Variants in ITGBL1 observed in about 807,000 individuals in gnomAD.
The protein encoded by ITGBL1 is integrin subunit beta like 1.
ITGBL1 carries 51 observed loss-of-function variants against 68.5 expected under a neutral mutation model. The observed-to-expected ratio is 0.74, with a 90% CI of 0.59 to 0.94. The LOEUF is 0.94. Ranked by LOEUF, ITGBL1 falls within the 40% of genes least tolerant of loss-of-function variation. The probability of loss-of-function intolerance (pLI) is 0.00; values close to 1 mark genes in which losing one functional copy is unlikely to be tolerated. For synonymous variants in ITGBL1, 209 were observed against 227.3 expected, an observed-to-expected ratio of 0.92 and a Z score of 0.72; for missense variants, 649 against 647.4, an observed-to-expected ratio of 1.00 and a Z score of -0.03.
intron 5 of ITGBL1, among the ~76,000 whole-genome samples, chr13:101,581,589 C>T (rs2050458747): frequency 6.6e-6 from 1 of 152,030 alleles, no homozygotes; most frequent in South Asian, 2.1e-4. Context: ...TGTTGTTTAT[C>T]TTTCCATATT....
intron 2 of ITGBL1, among the ~76,000 whole-genome samples, chr13:101,549,540 A>G (rs1164890207): frequency 1.3e-5 from 2 of 152,064 alleles, no homozygotes; most frequent in Non-Finnish European, 2.9e-5. Flanking sequence ...GCTGAAAACA[A>G]CATACAGAAT....
rs751469422 is a variant in ITGBL1, at chr13:101,498,489, G to A, written c.316+44389G>A. Among the ~76,000 whole-genome samples the A allele has an allele frequency of 4.8e-4, 73 of 152,238 alleles. No individual in the cohort carries two copies. The Middle Eastern group carries it at 0.014, about 28-fold the overall frequency. On this transcript the variant is annotated intron_variant, in intron 2 of 10. Transcript: ENST00000376180. ...TTGTTTATCCAAGACAGATGGTAAG[G>A]GGTGATACTTTTGTCAGCTTACATC...
intron 7 of ITGBL1, 113 bp from the exon 8 acceptor site, chr13:101,692,472 A>G: frequency 1.4e-6 from 1 of 722,092 alleles, no homozygotes; most frequent in Admixed American, 1.9e-5. Context: ...ATTATCAGGC[A>G]CAGACTGGAA....
At chr13:101,531,474 C>G (rs1049573112) in intron 2 of ITGBL1, among the ~76,000 whole-genome samples, 4 of 151,826 alleles carry the variant, frequency 2.6e-5, no homozygotes, top group Non-Finnish European at 4.4e-5. Flanking sequence ...GATTAAAAAG[C>G]CATTAACAAT....
At chr13:101,479,078 C>T (rs1345024533) in intron 2 of ITGBL1, among the ~76,000 whole-genome samples, 1 of 151,926 alleles carries the variant, frequency 6.6e-6, no homozygotes, top group Non-Finnish European at 1.5e-5. Context: ...GCTATAGTAA[C>T]CCAAATAGTA....
intron 2 of ITGBL1, among the ~76,000 whole-genome samples, chr13:101,492,248 T>C (rs1295690616): frequency 6.6e-6 from 1 of 152,192 alleles, no homozygotes; most frequent in Non-Finnish European, 1.5e-5. Context: ...ATCGCTTTCT[T>C]ACAGAGGTGT....
At chr13:101,470,965 G>A (rs1467707096) in intron 2 of ITGBL1, among the ~76,000 whole-genome samples, 2 of 152,096 alleles carry the variant, frequency 1.3e-5, no homozygotes, top group East Asian at 3.9e-4. Context: ...TAAATAAAAT[G>A]TTTAAGATCA....
chr13:101,546,438 C>A (rs1208826470), intron 2 of ITGBL1, among the ~76,000 whole-genome samples: 1 of 150,870 alleles, frequency 6.6e-6, no homozygotes, highest in East Asian at 1.9e-4. Flanking sequence ...TTTTAAGGGT[C>A]CAAAATCGAA....
chr13:101,578,345 C>T (rs1259705428), intron 4 of ITGBL1, among the ~76,000 whole-genome samples: 2 of 152,018 alleles, frequency 1.3e-5, no homozygotes, highest in Non-Finnish European at 2.9e-5. Flanking sequence ...AGACTTTAGC[C>T]ATAGACTGAT....
At chr13:101,595,502 C>CAAA (rs137872832) in intron 6 of ITGBL1, among the ~76,000 whole-genome samples, 1 of 151,334 alleles carries the variant, frequency 6.6e-6, no homozygotes, top group Non-Finnish European at 1.5e-5. Context: ...AACTCAATAG[C>CAAA]AAAAAAAATC....
At chr13:101,597,306 T>C (rs753059984) in intron 6 of ITGBL1, among the ~76,000 whole-genome samples, 5 of 152,108 alleles carry the variant, frequency 3.3e-5, no homozygotes, top group Non-Finnish European at 7.3e-5. Flanking sequence ...ATGTTAATTA[T>C]GTCTACTGGG....
intron 2 of ITGBL1, among the ~76,000 whole-genome samples, chr13:101,545,513 A>T (rs1028449825): frequency 6.6e-6 from 1 of 152,228 alleles, no homozygotes; most frequent in African/African-American, 2.4e-5. Flanking sequence ...CAAAGATGTA[A>T]TTCAAGATTA....
At chr13:101,667,388 A>G (rs898608062) in intron 7 of ITGBL1, among the ~76,000 whole-genome samples, 1 of 152,178 alleles carries the variant, frequency 6.6e-6, no homozygotes, top group Admixed American at 6.6e-5. Flanking sequence ...AAACTAAAAT[A>G]GGTCAAAGTC....
At chr13:101,537,231 C>G (rs1403552110) in intron 2 of ITGBL1, among the ~76,000 whole-genome samples, 3 of 151,994 alleles carry the variant, frequency 2.0e-5, no homozygotes, top group Non-Finnish European at 4.4e-5. Context: ...CTGCCTCAAA[C>G]CACATCTTAG....
chr13:101,531,501 G>C (rs1254877938), intron 2 of ITGBL1, among the ~76,000 whole-genome samples: 1 of 151,830 alleles, frequency 6.6e-6, no homozygotes, highest in Non-Finnish European at 1.5e-5. Context: ...TGAAGTCAAG[G>C]TCAGTGAGTA....
At chr13:101,547,877 C>T (rs1222815725) in intron 2 of ITGBL1, among the ~76,000 whole-genome samples, 4 of 150,860 alleles carry the variant, frequency 2.7e-5, no homozygotes, top group East Asian at 1.9e-4. Flanking sequence ...TGCTTTCTTA[C>T]ATTAAATATG....
intron 2 of ITGBL1, among the ~76,000 whole-genome samples, chr13:101,530,360 TAAGTAA>T (rs2049452537): frequency 6.6e-6 from 1 of 152,224 alleles, no homozygotes; most frequent in Non-Finnish European, 1.5e-5. Context: ...TAGTATCTTA[TAAGTAA>T]GAGTAATTAT....
chr13:101,531,700 GTTATTTAT>G (rs10551253), intron 2 of ITGBL1, among the ~76,000 whole-genome samples: 13,167 of 139,674 alleles, frequency 0.094, 1,541 homozygotes, highest in African/African-American at 0.27. Context: ...TTTTTATTTT[GTTATTTAT>G]TTATTTATTT....
chr13:101,665,838 C>T (rs947082594), intron 7 of ITGBL1, among the ~76,000 whole-genome samples: 3 of 152,050 alleles, frequency 2.0e-5, no homozygotes, highest in African/African-American at 4.8e-5. Flanking sequence ...CTGCCAAAAC[C>T]ACAGCGTTGC....
Sources: allele counts gnomAD v4.1 joint callset (sites outside exome capture counted in the v4.1 genomes callset), GRCh38; gene constraint gnomAD v4.1.1; transcripts MANE v1.5; gene names NCBI Gene and HGNC (gene_info 2026-07-23, HGNC 2026-07-21).